BAZ2B: variants seen among roughly 807,000 people sequenced by gnomAD.
BAZ2B encodes bromodomain adjacent to zinc finger domain protein 2B.
Under a neutral mutation model 246.0 loss-of-function variants are expected in BAZ2B, and 91 were observed. The ratio of observed to expected loss-of-function variants is 0.37; its 90% CI spans 0.31 to 0.44. The LOEUF (loss-of-function observed/expected upper bound fraction) is 0.44. BAZ2B is among the 20% of genes least tolerant of loss of function. The pLI, the probability that BAZ2B is intolerant of heterozygous loss-of-function variation, is 1.00. For synonymous variants in BAZ2B, 855 were observed against 860.0 expected, an observed-to-expected ratio of 0.99 and a Z score of 0.10; for missense variants, 2,332 against 2,533.7, an observed-to-expected ratio of 0.92 and a Z score of 1.71.
chr2:159,655,080 C>G, the BAZ2B span, among the ~76,000 whole-genome samples: 1 of 152,120 alleles, frequency 6.6e-6, no homozygotes, highest in South Asian at 2.1e-4. Flanking sequence ...GCAATTAGTA[C>G]AGTGTAAGGA....
chr2:159,558,945 GGTA>G lies in BAZ2B; in HGVS notation c.-45-3083_-45-3081del, dbSNP rs2089527483. On this transcript the variant is annotated intron_variant, in intron 1 of 36. Coordinates refer to ENST00000392783, the MANE Select transcript of BAZ2B (RefSeq NM_013450.4). ...CCCATCATACCAAATTAGATCAGAA[GGTA>G]GCTACATAGGCCAGGCGCGGGTGGT... 3.3e-5 allele frequency among the ~76,000 whole-genome samples: 5 copies of G among 152,132 alleles called. No homozygotes were observed. The South Asian group carries it at 1.0e-3, about 32-fold the overall frequency.
At chr2:159,670,057 G>A in the BAZ2B span, among the ~76,000 whole-genome samples, 6 of 151,896 alleles carry the variant, frequency 4.0e-5, no homozygotes, top group South Asian at 2.1e-4. Context: ...TGCAACCTCC[G>A]CCTCCCGGGT....
chr2:159,549,745 T>C (rs1444597839), intron 2 of BAZ2B, among the ~76,000 whole-genome samples: 2 of 147,122 alleles, frequency 1.4e-5, no homozygotes, highest in African/African-American at 5.1e-5. Context: ...ATGGAGACAG[T>C]AGAGTTCAAA....
rs111595434 is a variant in BAZ2B, at chr2:159,597,217, C to T, written c.-46+19025G>A. On this transcript the variant is annotated intron_variant, in intron 1 of 36. Coordinates refer to ENST00000392783, the MANE Select transcript of BAZ2B (RefSeq NM_013450.4). ...TCTTTTGAGAATTGTCTACTCATGT[C>T]CTTAGCCCACTTTTTGATGGGATTG... Among the ~76,000 whole-genome samples the T allele has an allele frequency of 4.7e-3, 719 of 152,196 alleles. 6 individuals are homozygous for T. The highest frequency in any genetic ancestry group is 0.016 in the African/African-American group (674 of 41,516).
In BAZ2B at chr2:159,345,918, A is replaced by G. The variant is rs548843167; in HGVS notation, c.5454+1568T>C. On this transcript the variant is annotated intron_variant, in intron 31 of 36. Transcript: ENST00000392783. ...ATACTGATGATTCTGTGCCACCATG[A>G]TAAGTTAAATCAGGCTTTTTATTTT... Among the ~76,000 whole-genome samples, 12 of 152,354 alleles carry G rather than the reference A, an allele frequency of 7.9e-5. No homozygotes were observed. In the South Asian group the frequency reaches 1.7e-3, roughly 21 times the overall value.
chr2:159,529,341 T>A (rs1007790466), intron 2 of BAZ2B, among the ~76,000 whole-genome samples: 1 of 152,048 alleles, frequency 6.6e-6, no homozygotes, highest in African/African-American at 2.4e-5. Context: ...TGCTTAAATG[T>A]TCATTTATGT....
chr2:159,354,394 C>T (rs1308800223), intron 27 of BAZ2B, among the ~76,000 whole-genome samples: 1 of 152,006 alleles, frequency 6.6e-6, no homozygotes, highest in Non-Finnish European at 1.5e-5. Context: ...CTCTGTCACC[C>T]AGGTAGAGTG....
At chr2:159,407,333 G>A (rs771426515) in intron 14 of BAZ2B, among the ~76,000 whole-genome samples, 2 of 152,000 alleles carry the variant, frequency 1.3e-5, no homozygotes, top group South Asian at 2.1e-4. Flanking sequence ...TTAGCCAGGC[G>A]TGGTGGTGGG....
At chr2:159,646,591 TG>T in the BAZ2B span, among the ~76,000 whole-genome samples, 1 of 152,112 alleles carries the variant, frequency 6.6e-6, no homozygotes, top group African/African-American at 2.4e-5. Context: ...TAAAGACAGG[TG>T]TAAGAAATTA....
intron 31 of BAZ2B, among the ~76,000 whole-genome samples, chr2:159,345,873 T>C (rs2067692005): frequency 6.6e-6 from 1 of 152,236 alleles, no homozygotes; most frequent in African/African-American, 2.4e-5. Flanking sequence ...GAGGGAATTA[T>C]TGTCTGATAA....
chr2:159,575,860 T>C (rs1392034465), intron 1 of BAZ2B, among the ~76,000 whole-genome samples: 1 of 152,186 alleles, frequency 6.6e-6, no homozygotes, highest in Non-Finnish European at 1.5e-5. Flanking sequence ...CAAAAATACA[T>C]TCTTAGAAAA....
chr2:159,540,757 T>G (rs1387116903), intron 2 of BAZ2B, among the ~76,000 whole-genome samples: 1 of 152,182 alleles, frequency 6.6e-6, no homozygotes, highest in Admixed American at 6.5e-5. Context: ...TTGGAAACTA[T>G]CTGGTATATA....
chr2:159,357,512 T>C (rs1203748038), intron 27 of BAZ2B, among the ~76,000 whole-genome samples: 1 of 151,920 alleles, frequency 6.6e-6, no homozygotes, highest in African/African-American at 2.4e-5. Flanking sequence ...TACCTGAAAA[T>C]GATGGGGAGA....
the BAZ2B span, among the ~76,000 whole-genome samples, chr2:159,655,808 A>G: frequency 1.3e-5 from 2 of 152,170 alleles, no homozygotes; most frequent in African/African-American, 4.8e-5. Context: ...TTCCGTTTCT[A>G]TAGATTCTAT....
At chr2:159,381,374 C>T (rs181142947) in intron 25 of BAZ2B, among the ~76,000 whole-genome samples, 1 of 152,182 alleles carries the variant, frequency 6.6e-6, no homozygotes, top group East Asian at 1.9e-4. Flanking sequence ...CCCCAATTAT[C>T]TACTTACTCT....
the BAZ2B span, among the ~76,000 whole-genome samples, chr2:159,623,116 AG>A: frequency 6.7e-6 from 1 of 149,010 alleles, no homozygotes; most frequent in East Asian, 2.0e-4. Flanking sequence ...AAGGGAAGGG[AG>A]AGGAAGGGAG....
Position 159,336,942 on chromosome 2 carries a change from A to T in BAZ2B, c.5796T>A (p.Val1932=). The T allele has an allele frequency of 6.3e-7, 1 of 1,597,428 alleles. No individual in the cohort carries two copies. Among genetic ancestry groups the T allele is most frequent in the South Asian group, 1.1e-5 (1 of 88,766 alleles). The change falls in exon 33 of 37, where the codon GTT becomes GTA. Residue 1932 remains valine (V), a splice_region_variant and synonymous_variant. Coordinates refer to ENST00000392783, the MANE Select transcript of BAZ2B (RefSeq NM_013450.4). The part of the protein sequence containing the change: ...SIAWEKSIMK[V]YCQICRKGDN... ...ATATTTCTTAAATAAAAACACTTAC[A>T]ACTTTCATAATTGATTTTTCCCATG...
intron 13 of BAZ2B, among the ~76,000 whole-genome samples, chr2:159,424,951 G>A (rs1166947078): frequency 2.6e-5 from 4 of 152,026 alleles, no homozygotes; most frequent in African/African-American, 9.6e-5. Context: ...GCTTCAATCC[G>A]CAAATGCAGA....
At chr2:159,428,244 CTT>C in intron 12 of BAZ2B, 65 bp downstream of exon 12, 1 of 1,355,198 alleles carries the variant, frequency 7.4e-7, no homozygotes, top group Non-Finnish European at 1.0e-6. Flanking sequence ...AAGGAGTACA[CTT>C]TTTTTTTGTA....
Sources: gnomAD v4.1 joint callset for allele counts (sites outside exome capture counted in the v4.1 genomes callset) on GRCh38, gnomAD v4.1.1 for gene constraint, MANE v1.5 for transcripts, NCBI Gene and HGNC (gene_info 2026-07-23, HGNC 2026-07-21) for gene names.